CTNNA2: variants seen among roughly 807,000 people sequenced by gnomAD.
CTNNA2 encodes catenin alpha 2.
In CTNNA2, 42 loss-of-function variants were observed where a neutral mutation model predicts 101.0. That is an observed-to-expected ratio of 0.42 (90% CI 0.32 to 0.54). The LOEUF (loss-of-function observed/expected upper bound fraction) is 0.54. CTNNA2 is among the 20% of genes least tolerant of loss of function. CTNNA2 has a pLI of 0.14. For missense variants in CTNNA2, 871 were observed against 1,223.1 expected, an observed-to-expected ratio of 0.71 and a Z score of 4.29; for synonymous variants, 450 against 456.4, an observed-to-expected ratio of 0.99 and a Z score of 0.18.
intron 1 of CTNNA2, among the ~76,000 whole-genome samples, chr2:79,513,795 A>T (rs964017415): frequency 6.6e-5 from 10 of 152,182 alleles, no homozygotes; most frequent in African/African-American, 2.4e-4. Flanking sequence ...ACCCCTCTTC[A>T]GCAGTTTCTT....
intron 7 of CTNNA2, among the ~76,000 whole-genome samples, chr2:79,949,118 T>A (rs1488645332): frequency 6.6e-6 from 1 of 152,186 alleles, no homozygotes; most frequent in Non-Finnish European, 1.5e-5. Context: ...ATATAAACTT[T>A]CAAATGCTGA....
intron 7 of CTNNA2, among the ~76,000 whole-genome samples, chr2:80,224,033 G>A (rs902515331): frequency 6.6e-6 from 1 of 152,148 alleles, no homozygotes; most frequent in Non-Finnish European, 1.5e-5. Flanking sequence ...CCCCTCGATT[G>A]TCCCAGCCAG....
intron 7 of CTNNA2, among the ~76,000 whole-genome samples, chr2:80,231,065 A>C (rs182105939): frequency 6.6e-6 from 1 of 152,074 alleles, no homozygotes; most frequent in African/African-American, 2.4e-5. Context: ...TCCATCTCCC[A>C]GGTTCAAGTG....
intron 7 of CTNNA2, among the ~76,000 whole-genome samples, chr2:79,981,268 G>A (rs1558696285): frequency 6.6e-6 from 1 of 152,036 alleles, no homozygotes; most frequent in Non-Finnish European, 1.5e-5. Context: ...TAGACTAAGG[G>A]GAGATAAAAT....
intron 2 of CTNNA2, among the ~76,000 whole-genome samples, chr2:79,222,701 CTGT>C (rs1192315152): frequency 5.9e-5 from 9 of 151,806 alleles, no homozygotes; most frequent in African/African-American, 1.9e-4. Flanking sequence ...CTCTCTCTCT[CTGT>C]TCTTATTATG....
intron 13 of CTNNA2, among the ~76,000 whole-genome samples, chr2:80,576,679 CACCTTCTTT>C (rs1210757859): frequency 6.7e-6 from 1 of 148,594 alleles, no homozygotes; most frequent in Admixed American, 6.8e-5. Context: ...TGTTCAAAGA[CACCTTCTTT>C]AATATGTATT....
intron 1 of CTNNA2, among the ~76,000 whole-genome samples, chr2:79,591,664 T>C (rs73938732): frequency 0.014 from 2,098 of 152,302 alleles, 42 homozygotes; most frequent in African/African-American, 0.047. Context: ...TTAGTTTTTC[T>C]AATCTTTCTG....
intron 7 of CTNNA2, among the ~76,000 whole-genome samples, chr2:79,924,258 A>G (rs1686873128): frequency 6.6e-6 from 1 of 152,076 alleles, no homozygotes; most frequent in African/African-American, 2.4e-5. Context: ...TCTTTATTCC[A>G]GGAGAAGCTG....
At chr2:79,328,254 G>A (rs1676791822) in intron 3 of CTNNA2, among the ~76,000 whole-genome samples, 1 of 152,176 alleles carries the variant, frequency 6.6e-6, no homozygotes, top group Non-Finnish European at 1.5e-5. Context: ...GGATCTCAGA[G>A]AAGGGAAGGA....
chr2:79,585,504 A>G (rs1676425810), intron 1 of CTNNA2, among the ~76,000 whole-genome samples: 1 of 151,944 alleles, frequency 6.6e-6, no homozygotes, highest in African/African-American at 2.4e-5. Context: ...TTCTTATAAT[A>G]TTATTATTAT....
At chr2:79,637,752 C>A (rs1027881202) in intron 1 of CTNNA2, among the ~76,000 whole-genome samples, 2 of 152,132 alleles carry the variant, frequency 1.3e-5, no homozygotes, top group Admixed American at 6.5e-5. Context: ...ACCAGACTTA[C>A]CACCCGTGAA....
At chr2:79,804,863 C>A (rs1006304798) in intron 3 of CTNNA2, among the ~76,000 whole-genome samples, 5 of 152,060 alleles carry the variant, frequency 3.3e-5, no homozygotes, top group Non-Finnish European at 7.4e-5. Context: ...ATGTTTTGAA[C>A]ATTTTAAAAG....
intron 7 of CTNNA2, among the ~76,000 whole-genome samples, chr2:80,157,594 T>C (rs1374511205): frequency 6.6e-6 from 1 of 152,160 alleles, no homozygotes; most frequent in Non-Finnish European, 1.5e-5. Context: ...GAATGGTTTC[T>C]ATTTTTTTTT....
At chr2:79,991,027 A>G (rs764411399) in intron 7 of CTNNA2, among the ~76,000 whole-genome samples, 1 of 152,140 alleles carries the variant, frequency 6.6e-6, no homozygotes, top group Non-Finnish European at 1.5e-5. Flanking sequence ...CCAGGAGTTT[A>G]TCCATTTCTT....
intron 7 of CTNNA2, among the ~76,000 whole-genome samples, chr2:80,212,606 C>T (rs1029671972): frequency 4.6e-5 from 7 of 152,136 alleles, no homozygotes; most frequent in South Asian, 4.2e-4. Context: ...GATGTGCTGC[C>T]GGATTCGGTT....
intron 3 of CTNNA2, among the ~76,000 whole-genome samples, chr2:79,317,024 T>G: frequency 6.6e-6 from 1 of 152,086 alleles, no homozygotes; most frequent in East Asian, 1.9e-4. Flanking sequence ...TTATGTTACA[T>G]GTAGGGTTTC....
intron 2 of CTNNA2, among the ~76,000 whole-genome samples, chr2:79,654,099 T>C (rs1216174057): frequency 2.0e-5 from 3 of 152,176 alleles, no homozygotes; most frequent in Non-Finnish European, 4.4e-5. Context: ...CAGCAGAGCC[T>C]TTAACCAAAT....
At chr2:79,420,834 G>C (rs1383090312) in intron 4 of CTNNA2, among the ~76,000 whole-genome samples, 1 of 152,100 alleles carries the variant, frequency 6.6e-6, no homozygotes, top group African/African-American at 2.4e-5. Context: ...TAACAATATG[G>C]TCTTGACTGG....
At chr2:79,250,407 AC>A (rs1242306696) in intron 2 of CTNNA2, among the ~76,000 whole-genome samples, 1 of 151,988 alleles carries the variant, frequency 6.6e-6, no homozygotes, top group Non-Finnish European at 1.5e-5. Flanking sequence ...ATACTGCTCC[AC>A]CTCTGTAATT....
Sources: allele counts gnomAD v4.1 joint callset (sites outside exome capture counted in the v4.1 genomes callset), GRCh38; gene constraint gnomAD v4.1.1; transcripts MANE v1.5; gene names NCBI Gene and HGNC (gene_info 2026-07-23, HGNC 2026-07-21).